NDRG3: variants seen among roughly 807,000 people sequenced by gnomAD.
NDRG3 encodes the protein protein NDRG3.
In NDRG3, 23 loss-of-function variants were observed where a neutral mutation model predicts 57.2. The observed-to-expected ratio is 0.40, with a 90% CI of 0.29 to 0.57. NDRG3 has a LOEUF of 0.57. NDRG3 is among the 20% of genes least tolerant of loss of function. The probability of loss-of-function intolerance (pLI) is 0.42; values close to 1 mark genes in which losing one functional copy is unlikely to be tolerated. For synonymous variants in NDRG3, 132 were observed against 162.6 expected, an observed-to-expected ratio of 0.81 and a Z score of 1.43; for missense variants, 384 against 457.3, an observed-to-expected ratio of 0.84 and a Z score of 1.46.
intron 12 of NDRG3, among the ~76,000 whole-genome samples, chr20:36,662,328 A>G (rs184495589): frequency 6.7e-6 from 1 of 148,980 alleles, no homozygotes; most frequent in East Asian, 2.0e-4. Flanking sequence ...CCTGGGTTCT[A>G]GCAATTCTCT....
intron 6 of NDRG3, among the ~76,000 whole-genome samples, chr20:36,683,304 T>A (rs1432302931): frequency 6.6e-6 from 1 of 151,152 alleles, no homozygotes; most frequent in Admixed American, 6.6e-5. Context: ...TTCAAGTTGG[T>A]TTTAATGGTT....
chr20:36,673,655 C>A (rs1980381618), intron 8 of NDRG3, among the ~76,000 whole-genome samples: 2 of 152,002 alleles, frequency 1.3e-5, no homozygotes, highest in African/African-American at 4.8e-5. Context: ...CTCAAGTGAT[C>A]CGCCCACTTT....
chr20:36,705,331 A>AG (rs1234027147), intron 3 of NDRG3, among the ~76,000 whole-genome samples: 16 of 150,790 alleles, frequency 1.1e-4, no homozygotes, highest in South Asian at 2.1e-4. Context: ...CAAAAAAAAA[A>AG]AAAAAGAAAA....
intron 3 of NDRG3, among the ~76,000 whole-genome samples, chr20:36,694,663 T>A (rs896519388): frequency 6.6e-6 from 1 of 152,224 alleles, no homozygotes; most frequent in African/African-American, 2.4e-5. Flanking sequence ...CTGTTGTAAA[T>A]CCTGTGAAGT....
At chr20:36,689,149 G>T (rs1391371717) in intron 3 of NDRG3, among the ~76,000 whole-genome samples, 1 of 152,122 alleles carries the variant, frequency 6.6e-6, no homozygotes, top group African/African-American at 2.4e-5. Context: ...AGCTGAGATC[G>T]TGCTACTGCA....
intron 8 of NDRG3, among the ~76,000 whole-genome samples, chr20:36,678,430 C>A (rs1980947322): frequency 6.6e-6 from 1 of 152,172 alleles, no homozygotes; most frequent in Non-Finnish European, 1.5e-5. Flanking sequence ...CACCTGTAAT[C>A]CCAGCACTTC....
At chr20:36,714,678 A>G (rs1391738879) in intron 2 of NDRG3, among the ~76,000 whole-genome samples, 21 of 150,750 alleles carry the variant, frequency 1.4e-4, no homozygotes, top group Non-Finnish European at 1.5e-5. Flanking sequence ...CAGTGGTGCA[A>G]TCTCGGCTTA....
intron 2 of NDRG3, among the ~76,000 whole-genome samples, chr20:36,710,278 C>T (rs752237634): frequency 6.6e-6 from 1 of 152,056 alleles, no homozygotes; most frequent in African/African-American, 2.4e-5. Flanking sequence ...GAGCCGAGAT[C>T]GCACCACTGC....
intron 6 of NDRG3, among the ~76,000 whole-genome samples, chr20:36,682,783 G>A (rs1981419388): frequency 6.6e-6 from 1 of 152,224 alleles, no homozygotes; most frequent in South Asian, 2.1e-4. Flanking sequence ...TGGGCGCAGT[G>A]GCTTACGCCT....
chr20:36,687,389 C>T lies in NDRG3; in HGVS notation c.320+103G>A, dbSNP rs574538598. ...TTGGTCAATAAGCATAACCTATAGA[C>T]GGTAATAAAATCAAAGGGAAGCACA... On this transcript the variant is annotated intron_variant, in intron 5 of 15. Transcript: ENST00000349004. 43 of 1,397,718 alleles carry T rather than the reference C, an allele frequency of 3.1e-5. 1 individual carries two copies. The highest frequency in any genetic ancestry group is 4.3e-5 in the African/African-American group (3 of 69,586). The allele number at this position is 1,397,718 out of a possible 1,614,324, so 86.6% of individuals were successfully genotyped here. A position where few individuals can be genotyped will look rare whatever the true frequency, so the allele number is the denominator to read the frequency against.
chr20:36,726,373 A>G lies in NDRG3; in HGVS notation c.-48-4590T>C, dbSNP rs529902562. On this transcript the variant is annotated intron_variant, in intron 1 of 15. Transcript: ENST00000349004. ...GTTGTGCAGGACAGTAAGCTGCTCC[A>G]GGGTGACTCAGGATTTGGCAACTTG... Among the ~76,000 whole-genome samples the G allele has an allele frequency of 1.3e-4, 20 of 152,354 alleles. 1 individual carries two copies. The South Asian group carries it at 3.7e-3, about 28-fold the overall frequency.
chr20:36,659,652 G>C (rs1978982717), intron 13 of NDRG3, among the ~76,000 whole-genome samples: 1 of 152,020 alleles, frequency 6.6e-6, no homozygotes, highest in African/African-American at 2.4e-5. Flanking sequence ...CCAGGCTAGA[G>C]TGCAGTGGTG....
intron 3 of NDRG3, among the ~76,000 whole-genome samples, chr20:36,697,988 C>CAA (rs1326902572): frequency 8.5e-6 from 1 of 117,428 alleles, no homozygotes; most frequent in Non-Finnish European, 1.7e-5. Flanking sequence ...TTTTTTGAGA[C>CAA]AGAGTCTTGC....
chr20:36,739,661 G>C (rs6129621), intron 1 of NDRG3, among the ~76,000 whole-genome samples: 45 of 151,160 alleles, frequency 3.0e-4, no homozygotes, highest in Admixed American at 3.3e-4. Context: ...GGTGGCTCAC[G>C]CCTATAATCC....
intron 2 of NDRG3, among the ~76,000 whole-genome samples, chr20:36,712,742 C>T (rs1600941013): frequency 6.6e-6 from 1 of 150,798 alleles, no homozygotes; most frequent in South Asian, 2.1e-4. Flanking sequence ...ATTACAGGCA[C>T]ACGCCACCAT....
At chr20:36,663,265 G>A (rs772468535) in intron 12 of NDRG3, among the ~76,000 whole-genome samples, 4 of 152,264 alleles carry the variant, frequency 2.6e-5, no homozygotes, top group South Asian at 2.1e-4. Context: ...AGGGAGATGC[G>A]AATGTTATCC....
intron 1 of NDRG3, among the ~76,000 whole-genome samples, chr20:36,735,886 G>A (rs1985579767): frequency 6.6e-6 from 1 of 150,998 alleles, no homozygotes; most frequent in East Asian, 2.0e-4. Context: ...TCAGGAGGCT[G>A]AGGCTTGAAC....
At chr20:36,738,059 T>C (rs1011561630) in intron 1 of NDRG3, among the ~76,000 whole-genome samples, 3 of 146,844 alleles carry the variant, frequency 2.0e-5, no homozygotes, top group African/African-American at 7.5e-5. Flanking sequence ...CAAGACTCTG[T>C]CTCAAAAAAA....
chr20:36,687,382 C>T, intron 5 of NDRG3, 110 bp downstream of exon 5: 1 of 1,362,870 alleles, frequency 7.3e-7, no homozygotes, highest in Non-Finnish European at 1.0e-6. Flanking sequence ...TAAGCATAAC[C>T]TATAGACGGT....
Sources: allele counts gnomAD v4.1 joint callset (sites outside exome capture counted in the v4.1 genomes callset), GRCh38; gene constraint gnomAD v4.1.1; transcripts MANE v1.5; gene names NCBI Gene and HGNC (gene_info 2026-07-23, HGNC 2026-07-21).